CPNE5: variants seen among roughly 807,000 people sequenced by gnomAD.
The protein encoded by CPNE5 is copine 5, also known as copine-5.
A neutral mutation model predicts 81.1 loss-of-function variants in CPNE5; 42 were observed. That is an observed-to-expected ratio of 0.52 (90% CI 0.40 to 0.67). The LOEUF (loss-of-function observed/expected upper bound fraction) is 0.67, where lower values mean the gene tolerates loss of function less well. Ranked by LOEUF, CPNE5 falls within the 30% of genes least tolerant of loss-of-function variation. The pLI, the probability that CPNE5 is intolerant of heterozygous loss-of-function variation, is 0.00. For missense variants in CPNE5, 612 were observed against 815.5 expected (o/e 0.75, Z 3.04); for synonymous variants, 313 against 321.5 (o/e 0.97, Z 0.28).
Position 36,824,065 on chromosome 6 carries a change from G to A in CPNE5, c.96-967C>T, listed in dbSNP as rs117012414. The stretch of plus-strand genomic sequence containing the variant: ...TGTTTCCTCATCAGTACAATGAGAC[G>A]GTAGTATCAGTCTTGAAGGCTGTTG... On this transcript the variant is annotated intron_variant, in intron 1 of 20. Coordinates refer to ENST00000244751, the MANE Select transcript of CPNE5 (RefSeq NM_020939.2). Among the ~76,000 whole-genome samples, 143 of 152,284 alleles carry A rather than the reference G, an allele frequency of 9.4e-4. 1 individual carries two copies. In the East Asian group the frequency reaches 0.024, roughly 26 times the overall value.
At chr6:36,763,741 T>C (rs1766282551) in intron 11 of CPNE5, among the ~76,000 whole-genome samples, 1 of 152,370 alleles carries the variant, frequency 6.6e-6, no homozygotes, top group South Asian at 2.1e-4. Flanking sequence ...AGTCTATAAT[T>C]TAAGCTACAT....
At chr6:36,794,982 C>T (rs1769440111) in intron 6 of CPNE5, among the ~76,000 whole-genome samples, 1 of 152,130 alleles carries the variant, frequency 6.6e-6, no homozygotes, top group South Asian at 2.1e-4. Flanking sequence ...ACACTGGTAC[C>T]TGCTGCAGCT....
In CPNE5 at chr6:36,742,372, C is replaced by A. The variant is rs1385462752; in HGVS notation, c.1678G>T (p.Ala560Ser). 6.2e-7 allele frequency: 1 copy of A among 1,613,628 alleles called. No homozygotes were observed. The highest frequency in any genetic ancestry group is 1.7e-5 in the Admixed American group (1 of 60,022). Residue 560 changes from alanine to serine, a missense_variant, in exon 21 of 21, where the codon GCA becomes TCA. Physicochemically the swap from Ala to Ser is moderately conservative, Grantham distance 99. Coordinates refer to ENST00000244751, the MANE Select transcript of CPNE5 (RefSeq NM_020939.2). ...IPDQLVSYMK[A>S]QGIRPRPPPA... is the part of the protein sequence containing the mutation. ...GGGGGACGCGGGCGAATGCCCTGTG[C>A]CTTCATGTAGGACACCAGTTGGTCA...
chr6:36,790,761 T>G (rs1305854793), intron 8 of CPNE5, among the ~76,000 whole-genome samples: 1 of 152,038 alleles, frequency 6.6e-6, no homozygotes, highest in East Asian at 1.9e-4. Flanking sequence ...GCCAGGCTGG[T>G]CTCAAACTCC....
At position 36,804,575 on chromosome 6, in the gene CPNE5, C is replaced by A. The variant is rs9470403; in HGVS notation, c.184-4505G>T. Among the ~76,000 whole-genome samples, 760 of 152,208 alleles carry A rather than the reference C, an allele frequency of 5.0e-3. 5 individuals are homozygous for A. Among genetic ancestry groups the A allele is most frequent in the African/African-American group, 0.017 (700 of 41,490 alleles). On this transcript the variant is annotated intron_variant, in intron 3 of 20. Coordinates refer to ENST00000244751, the MANE Select transcript of CPNE5 (RefSeq NM_020939.2). ...CACTACACTTGCCCTCCTCCTTCAA[C>A]AACCTCACAGCATCCCTCTAGCAGG...
chr6:36,755,966 G>A (rs982412215), intron 13 of CPNE5: 5 of 485,530 alleles, frequency 1.0e-5, no homozygotes, highest in Middle Eastern at 5.4e-4. Context: ...CAATAAATAC[G>A]ACTTCTCTTC....
chr6:36,747,280 A>G (rs1764288029), intron 15 of CPNE5, among the ~76,000 whole-genome samples: 1 of 151,534 alleles, frequency 6.6e-6, no homozygotes, highest in Admixed American at 6.6e-5. Flanking sequence ...TTCGCTGCCA[A>G]TATAGTCTGT....
At chr6:36,777,761 C>CG (rs1562126244) in intron 9 of CPNE5, among the ~76,000 whole-genome samples, 8 of 31,838 alleles carry the variant, frequency 2.5e-4, no homozygotes, top group East Asian at 1.1e-3. Flanking sequence ...CTACCCCCCC[C>CG]CCCACCACAC....
intron 1 of CPNE5, among the ~76,000 whole-genome samples, chr6:36,829,770 G>A (rs886484387): frequency 2.3e-5 from 3 of 128,374 alleles, no homozygotes; most frequent in Non-Finnish European, 4.7e-5. Flanking sequence ...CCGAGATCAC[G>A]TCACTGCATT....
chr6:36,822,949 C>T (rs1000985949), intron 2 of CPNE5, 109 bp downstream of exon 2: 15 of 886,228 alleles, frequency 1.7e-5, no homozygotes, highest in Non-Finnish European at 2.3e-5. Flanking sequence ...ACACTTTGAA[C>T]GGCGCCTGGC....
intron 13 of CPNE5, chr6:36,754,620 T>C (rs2150387808): frequency 6.6e-6 from 1 of 152,352 alleles, no homozygotes. Context: ...GATGGGGAAA[T>C]GCTGGAGTAA....
At position 36,839,334 on chromosome 6, in the gene CPNE5, G is replaced by T; in HGVS notation, c.44C>A (p.Ser15Tyr). ...EDMASLSEFD[S>Y]LAGSIPATKV... ...GGTGGCCGGGATGCTGCCCGCCAAG[G>T]AGTCGAACTCGCTCAGCGACGCCAT... The change falls in exon 1 of 21, where the codon TCC (serine) becomes TAC (tyrosine). Residue 15 changes from serine (S) to tyrosine (Y), a missense_variant. Coordinates refer to ENST00000244751, the MANE Select transcript of CPNE5 (RefSeq NM_020939.2). The surrounding 1 kb of genome is among the most constrained non-coding windows in gnomAD (Gnocchi z 7.3). The T allele has an allele frequency of 6.4e-7, 1 of 1,553,540 alleles. No individual in the cohort carries two copies. Among genetic ancestry groups the T allele is most frequent in the Non-Finnish European group, 8.7e-7 (1 of 1,148,096 alleles).
intron 20 of CPNE5, chr6:36,742,697 T>A (rs181098145): frequency 1.0e-6 from 1 of 985,004 alleles, no homozygotes; most frequent in South Asian, 4.7e-5. Context: ...TATTCTTTCA[T>A]TCACTCGACA....
Position 36,802,324 on chromosome 6 carries a change from C to T in CPNE5, c.184-2254G>A, listed in dbSNP as rs562566353. On this transcript the variant is annotated intron_variant, in intron 3 of 20. Coordinates refer to ENST00000244751, the MANE Select transcript of CPNE5 (RefSeq NM_020939.2). ...CAAAAAACATTAGCTAGGCATAGTA[C>T]CATGCACTTGGGGTCCCAGCTACTC... Among the ~76,000 whole-genome samples the T allele has an allele frequency of 4.7e-5, 7 of 150,474 alleles. No homozygotes were observed. The East Asian group carries it at 1.4e-3, about 29-fold the overall frequency.
intron 3 of CPNE5, among the ~76,000 whole-genome samples, chr6:36,808,615 G>C (rs140542951): frequency 2.0e-5 from 3 of 151,934 alleles, no homozygotes; most frequent in Admixed American, 1.3e-4. Flanking sequence ...CCCTGAGAGG[G>C]TGTACCTCCC....
At chr6:36,771,955 CAGCG>C in intron 10 of CPNE5, among the ~76,000 whole-genome samples, 1 of 152,218 alleles carries the variant, frequency 6.6e-6, no homozygotes. Context: ...GGCCATCCTG[CAGCG>C]AGATGAGGCT....
intron 3 of CPNE5, among the ~76,000 whole-genome samples, chr6:36,813,196 T>C (rs1771251983): frequency 6.6e-6 from 1 of 152,234 alleles, no homozygotes; most frequent in Non-Finnish European, 1.5e-5. Flanking sequence ...CAGGGCTGTC[T>C]TTCTGAAACA....
intron 3 of CPNE5, among the ~76,000 whole-genome samples, chr6:36,806,837 C>A (rs1770639631): frequency 6.6e-6 from 1 of 152,332 alleles, no homozygotes; most frequent in East Asian, 1.9e-4. Flanking sequence ...CCTGTGCCAG[C>A]CCTTTGGGAC....
At chr6:36,801,039 T>C (rs113340477) in intron 3 of CPNE5, among the ~76,000 whole-genome samples, 13 of 152,374 alleles carry the variant, frequency 8.5e-5, no homozygotes, top group African/African-American at 3.1e-4. Flanking sequence ...CCAGCAAAGC[T>C]GCACTCAGAT....
Sources: allele counts gnomAD v4.1 joint callset (sites outside exome capture counted in the v4.1 genomes callset), GRCh38; gene constraint gnomAD v4.1.1; non-coding constraint Gnocchi (gnomAD v3.1); transcripts MANE v1.5; gene names NCBI Gene and HGNC (gene_info 2026-07-23, HGNC 2026-07-21).